RPE: variants seen among roughly 807,000 people sequenced by gnomAD.
RPE encodes ribulose-phosphate 3-epimerase.
A neutral mutation model predicts 24.6 loss-of-function variants in RPE; 16 were observed. The ratio of observed to expected loss-of-function variants is 0.65; its 90% CI spans 0.44 to 0.99. The LOEUF is 0.99. Ranked by LOEUF, RPE falls within the 50% of genes least tolerant of loss-of-function variation. The pLI is 0.00. For missense variants in RPE, 240 were observed against 294.5 expected (o/e 0.81, Z 1.35); for synonymous variants, 93 against 98.4 (o/e 0.94, Z 0.33).
chr2:210,019,008 T>G (rs753520406), intron 5 of RPE, among the ~76,000 whole-genome samples: 2 of 152,208 alleles, frequency 1.3e-5, no homozygotes, highest in Admixed American at 6.5e-5. Context: ...CAAAACAGAT[T>G]GGGTTTCCAT....
In RPE at chr2:210,016,275, TAAGC is replaced by T. The variant is rs1195683707; in HGVS notation, c.342+165_342+168del. On this transcript the variant is annotated intron_variant, in intron 3 of 5. Transcript: ENST00000359429. Reference sequence around the variant, plus strand: ...CATTGCAGGTAAAGAATACCTTACTTAAGCAGCTGTTCTTCAGCTATGATGCCAG... The same window carrying T: ...CATTGCAGGTAAAGAATACCTTACTTAGCTGTTCTTCAGCTATGATGCCAG... 1.9e-6 allele frequency: 3 copies of T among 1,613,054 alleles called. No individual in the cohort carries two copies. In the African/African-American group the frequency reaches 4.0e-5, roughly 22 times the overall value.
At chr2:210,017,756 T>C (rs1029975174) in intron 5 of RPE, 197 bp downstream of exon 5, 5 of 596,020 alleles carry the variant, frequency 8.4e-6, no homozygotes, top group East Asian at 3.1e-5. Context: ...TTTTTTTTTT[T>C]CTTTTTCTGA....
chr2:210,018,258 A>G, intron 5 of RPE: 2 of 1,511,654 alleles, frequency 1.3e-6, no homozygotes, highest in South Asian at 1.3e-5. Context: ...AATCTAATTG[A>G]CCTAATTATT....
intron 1 of RPE, among the ~76,000 whole-genome samples, chr2:210,006,065 T>C (rs541233214): frequency 2.0e-5 from 3 of 152,346 alleles, no homozygotes; most frequent in African/African-American, 4.8e-5. Flanking sequence ...AAGAAAGGGA[T>C]ACCTTTTTAT....
intron 5 of RPE, chr2:210,018,020 C>A: frequency 1.1e-6 from 1 of 930,664 alleles, no homozygotes; most frequent in Non-Finnish European, 1.6e-6. Context: ...GTTGGGATTA[C>A]AGATGTGAGC....
chr2:210,014,093 T>C (rs2093736396), intron 2 of RPE, among the ~76,000 whole-genome samples: 1 of 150,668 alleles, frequency 6.6e-6, no homozygotes, highest in African/African-American at 2.5e-5. Context: ...GGTTTTTTTG[T>C]TTTTTGTTTT....
At chr2:210,005,292 C>T (rs545785592) in intron 1 of RPE, among the ~76,000 whole-genome samples, 2 of 152,172 alleles carry the variant, frequency 1.3e-5, no homozygotes, top group South Asian at 2.1e-4. Flanking sequence ...CAACATTACA[C>T]TTTGGATGTG....
intron 1 of RPE, among the ~76,000 whole-genome samples, chr2:210,004,656 C>T (rs1015653160): frequency 6.6e-6 from 1 of 152,200 alleles, no homozygotes; most frequent in Non-Finnish European, 1.5e-5. Flanking sequence ...TCTCCTGCTA[C>T]CCTATAAGCT....
At chr2:210,017,586 G>A in intron 5 of RPE, 27 bp downstream of exon 5, 1 of 1,602,426 alleles carries the variant, frequency 6.2e-7, no homozygotes, top group Non-Finnish European at 8.5e-7. Context: ...ACTATGACTA[G>A]ACCAATTTCC....
intron 2 of RPE, among the ~76,000 whole-genome samples, chr2:210,010,179 A>G (rs1282189867): frequency 6.6e-6 from 1 of 152,204 alleles, no homozygotes; most frequent in Non-Finnish European, 1.5e-5. Context: ...ATCAGGGCTC[A>G]GTGTAATTGT....
At chr2:210,005,037 C>T (rs997911927) in intron 1 of RPE, among the ~76,000 whole-genome samples, 10 of 152,166 alleles carry the variant, frequency 6.6e-5, no homozygotes, top group African/African-American at 2.2e-4. Context: ...TTTCTATTCC[C>T]CTTTTGCAAA....
intron 1 of RPE, among the ~76,000 whole-genome samples, chr2:210,003,857 T>A (rs1359452667): frequency 6.6e-6 from 1 of 152,220 alleles, no homozygotes; most frequent in Admixed American, 6.5e-5. Context: ...TTGCTCTATG[T>A]GGTTAAATGT....
Position 210,016,046 on chromosome 2 carries a change from C to T in RPE, c.276C>T (p.Thr92=). Residue 92 remains threonine, a synonymous_variant, in exon 3 of 6, where the codon ACC becomes ACT. Coordinates refer to ENST00000359429, the MANE Select transcript of RPE (RefSeq NM_199229.3). ...PMAVAGANQY[T]FHLEATENPG... ...CTGTAGCAGGAGCCAATCAGTACAC[C>T]TTTCATCTCGAGGCTACTGAGAACC... The T allele has an allele frequency of 1.2e-6, 2 of 1,614,230 alleles. No individual in the cohort carries two copies. The highest frequency in any genetic ancestry group is 1.1e-5 in the South Asian group (1 of 91,088).
rs1372608949 is a variant in RPE, at chr2:210,017,481, G to C, written c.486G>C (p.Trp162Cys). The change falls in exon 5 of 6, where the codon TGG becomes TGC. Residue 162 changes from tryptophan (W) to cysteine (C), a missense_variant. Physicochemically the swap from Trp to Cys is radical, Grantham distance 215. Coordinates refer to ENST00000359429, the MANE Select transcript of RPE (RefSeq NM_199229.3). ...FMEDMMPKVH[W>C]LRTQFPSLDI... ...CTCATGTATATATCTAGGTTCACTG[G>C]TTGAGGACCCAGTTCCCATCTTTGG... The C allele has an allele frequency of 6.3e-7, 1 of 1,595,580 alleles. No homozygotes were observed. The highest frequency in any genetic ancestry group is 2.3e-5 in the East Asian group (1 of 43,768).
intron 5 of RPE, chr2:210,017,892 C>T (rs1280959565): frequency 1.3e-5 from 7 of 548,618 alleles, no homozygotes; most frequent in South Asian, 1.1e-4. Context: ...TTACAGGTAC[C>T]TGCCACCATG....
At chr2:210,007,068 T>G (rs1361089727) in intron 1 of RPE, among the ~76,000 whole-genome samples, 1 of 152,234 alleles carries the variant, frequency 6.6e-6, no homozygotes, top group African/African-American at 2.4e-5. Context: ...GTGCCTATGT[T>G]TAATTCCTGC....
chr2:210,007,450 C>T (rs2093645148), intron 1 of RPE, among the ~76,000 whole-genome samples: 1 of 152,128 alleles, frequency 6.6e-6, no homozygotes, highest in Non-Finnish European at 1.5e-5. Context: ...ATTAATATTT[C>T]TCACTTTAAG....
At chr2:210,017,923 T>G in intron 5 of RPE, 1 of 534,498 alleles carries the variant, frequency 1.9e-6, no homozygotes, top group East Asian at 3.5e-5. Context: ...TTTTTTATTT[T>G]TAGTAGAGAC....
At chr2:210,016,684 G>A (rs1473174489) in intron 4 of RPE, 43 bp downstream of exon 4, 1 of 1,612,540 alleles carries the variant, frequency 6.2e-7, no homozygotes, top group Admixed American at 1.7e-5. Flanking sequence ...TTTACAGTGT[G>A]TTCATTCAGT....
Sources: allele counts gnomAD v4.1 joint callset (sites outside exome capture counted in the v4.1 genomes callset), GRCh38; gene constraint gnomAD v4.1.1; transcripts MANE v1.5; gene names NCBI Gene and HGNC (gene_info 2026-07-23, HGNC 2026-07-21).